Variants in HMBOX1 observed in about 807,000 individuals in gnomAD.
HMBOX1 encodes the protein homeobox-containing protein 1.
In HMBOX1, 14 loss-of-function variants were observed where a neutral mutation model predicts 54.5. The observed-to-expected ratio is 0.26, with a 90% CI of 0.17 to 0.40. HMBOX1 has a LOEUF of 0.40. Ranked by LOEUF, HMBOX1 falls within the 10% of genes least tolerant of loss-of-function variation. The probability of loss-of-function intolerance (pLI) is 1.00; values close to 1 mark genes in which losing one functional copy is unlikely to be tolerated. For synonymous variants in HMBOX1, 160 were observed against 181.0 expected, an observed-to-expected ratio of 0.88 and a Z score of 0.93; for missense variants, 332 against 514.4, an observed-to-expected ratio of 0.65 and a Z score of 3.43.
chr8:28,975,996 A>G (rs1828293392), intron 3 of HMBOX1, among the ~76,000 whole-genome samples: 1 of 152,224 alleles, frequency 6.6e-6, no homozygotes, highest in African/African-American at 2.4e-5. Context: ...TTTGAACAAC[A>G]AAGCTAACCC....
chr8:28,999,718 A>T (rs1002807847), intron 4 of HMBOX1, among the ~76,000 whole-genome samples: 3 of 151,778 alleles, frequency 2.0e-5, no homozygotes, highest in Non-Finnish European at 2.9e-5. Context: ...TTCAATTCCA[A>T]AATTTCTATT....
intron 1 of HMBOX1, among the ~76,000 whole-genome samples, chr8:28,939,697 A>T (rs1585946365): frequency 6.6e-6 from 1 of 151,794 alleles, no homozygotes. Flanking sequence ...TTTAGTAGAG[A>T]CGAGGTTTCA....
intron 6 of HMBOX1, 132 bp from the exon 7 acceptor site, chr8:29,045,229 T>C (rs1415738841): frequency 1.4e-6 from 1 of 715,788 alleles, no homozygotes; most frequent in Non-Finnish European, 2.5e-6. Flanking sequence ...TCACAGAACA[T>C]TCCATTTGAC....
intron 1 of HMBOX1, among the ~76,000 whole-genome samples, chr8:28,928,342 G>A (rs774346702): frequency 1.5e-4 from 23 of 152,312 alleles, no homozygotes; most frequent in Non-Finnish European, 2.2e-4. Context: ...CCAGTAGTTA[G>A]TTGGAATTTG....
At chr8:28,896,711 C>T (rs1812184870) in intron 1 of HMBOX1, among the ~76,000 whole-genome samples, 1 of 123,834 alleles carries the variant, frequency 8.1e-6, no homozygotes, top group Non-Finnish European at 2.0e-5. Flanking sequence ...CAGTAACATG[C>T]TGTACAGGTT....
At chr8:28,995,093 G>C (rs1221576928) in intron 4 of HMBOX1, among the ~76,000 whole-genome samples, 1 of 152,124 alleles carries the variant, frequency 6.6e-6, no homozygotes, top group African/African-American at 2.4e-5. Flanking sequence ...CAAAACAGAG[G>C]AAAATGGTGG....
In HMBOX1 at chr8:29,052,254, T is replaced by C. The variant is rs984900692; in HGVS notation, c.*1099T>C. On this transcript the variant is annotated 3_prime_UTR_variant, in exon 10 of 10. Coordinates refer to ENST00000287701, the MANE Select transcript of HMBOX1 (RefSeq NM_001135726.3). ...TCACAGATGCAGACACTTGCCCAGA[T>C]AGGAGCAGAGAAAAGCAGGGGACGT... 1 of 152,336 alleles carries C rather than the reference T, an allele frequency of 6.6e-6. No homozygotes were observed. Among genetic ancestry groups the C allele is most frequent in the Non-Finnish European group, 1.5e-5 (1 of 68,114 alleles). 9.4% of individuals were successfully genotyped at this position (152,336 alleles called of 1,614,324 possible). A position where few individuals can be genotyped will look rare whatever the true frequency, so the allele number is the denominator to read the frequency against.
intron 1 of HMBOX1, among the ~76,000 whole-genome samples, chr8:28,948,192 T>G (rs990075780): frequency 5.9e-5 from 9 of 152,234 alleles, no homozygotes; most frequent in African/African-American, 2.2e-4. Context: ...TGTCTCTATC[T>G]TCTTTCCCCA....
chr8:29,039,162 C>T (rs959110533), intron 6 of HMBOX1, among the ~76,000 whole-genome samples: 9 of 152,164 alleles, frequency 5.9e-5, no homozygotes, highest in Admixed American at 5.2e-4. Flanking sequence ...ATCTTCTTTA[C>T]ATACCTGTAT....
intron 6 of HMBOX1, among the ~76,000 whole-genome samples, chr8:29,026,651 C>T (rs1348985517): frequency 6.6e-6 from 1 of 152,150 alleles, no homozygotes; most frequent in Non-Finnish European, 1.5e-5. Flanking sequence ...GCAGTCAAGG[C>T]TCAAAGAGGT....
At chr8:28,965,473 C>T (rs1184979817) in intron 2 of HMBOX1, among the ~76,000 whole-genome samples, 1 of 152,152 alleles carries the variant, frequency 6.6e-6, no homozygotes, top group Admixed American at 6.5e-5. Flanking sequence ...GTACATTAAC[C>T]ACATTATGAA....
At chr8:28,962,312 T>G (rs1287662117) in intron 1 of HMBOX1, among the ~76,000 whole-genome samples, 12 of 152,216 alleles carry the variant, frequency 7.9e-5, no homozygotes, top group African/African-American at 2.4e-4. Flanking sequence ...CAGTGTCTTA[T>G]GGTTACATAA....
chr8:28,980,927 A>C (rs576851579), intron 4 of HMBOX1, among the ~76,000 whole-genome samples: 1 of 152,306 alleles, frequency 6.6e-6, no homozygotes, highest in East Asian at 1.9e-4. Context: ...AGATATAAAA[A>C]TTAATTCTCC....
At chr8:28,982,362 T>TG (rs1829484552) in intron 4 of HMBOX1, among the ~76,000 whole-genome samples, 1 of 152,224 alleles carries the variant, frequency 6.6e-6, no homozygotes, top group Non-Finnish European at 1.5e-5. Context: ...TTTACTGACT[T>TG]TAACTTCAGT....
intron 2 of HMBOX1, among the ~76,000 whole-genome samples, chr8:28,965,488 T>C (rs1255981643): frequency 1.3e-5 from 2 of 152,214 alleles, no homozygotes; most frequent in African/African-American, 4.8e-5. Flanking sequence ...TATGAATGTG[T>C]TCCAAAGCTA....
At chr8:29,002,461 G>A (rs1832798476) in intron 4 of HMBOX1, among the ~76,000 whole-genome samples, 1 of 152,138 alleles carries the variant, frequency 6.6e-6, no homozygotes. Context: ...TTACACAAAG[G>A]TAGTAAGACC....
intron 1 of HMBOX1, among the ~76,000 whole-genome samples, chr8:28,935,531 T>C (rs1820255375): frequency 6.6e-6 from 1 of 152,144 alleles, no homozygotes; most frequent in South Asian, 2.1e-4. Flanking sequence ...TCATACTATA[T>C]ACAGAAATTA....
intron 3 of HMBOX1, among the ~76,000 whole-genome samples, chr8:28,971,578 ATTTGT>A (rs1237879584): frequency 6.6e-6 from 1 of 152,216 alleles, no homozygotes; most frequent in African/African-American, 2.4e-5. Flanking sequence ...AAAGAATAGC[ATTTGT>A]TTTAAAATAC....
At chr8:28,992,956 C>A (rs1314630152) in intron 4 of HMBOX1, among the ~76,000 whole-genome samples, 6 of 150,464 alleles carry the variant, frequency 4.0e-5, no homozygotes, top group Non-Finnish European at 8.9e-5. Context: ...CCCCTTCCCA[C>A]ATGAGACTAA....
Sources: gnomAD v4.1 joint callset for allele counts (sites outside exome capture counted in the v4.1 genomes callset) on GRCh38, gnomAD v4.1.1 for gene constraint, MANE v1.5 for transcripts, NCBI Gene and HGNC (gene_info 2026-07-23, HGNC 2026-07-21) for gene names.